UNC5D: variants seen among roughly 807,000 people sequenced by gnomAD.
The protein encoded by UNC5D is netrin receptor UNC5D.
Under a neutral mutation model 105.4 loss-of-function variants are expected in UNC5D, and 39 were observed. The ratio of observed to expected loss-of-function variants is 0.37; its 90% confidence interval spans 0.29 to 0.48. The LOEUF (loss-of-function observed/expected upper bound fraction) is 0.48, where lower values mean the gene tolerates loss of function less well. UNC5D is among the 20% of genes least tolerant of loss of function. The pLI, the probability that UNC5D is intolerant of heterozygous loss-of-function variation, is 0.98. For synonymous variants in UNC5D, 452 were observed against 450.4 expected (o/e 1.00, Z -0.04); for missense variants, 991 against 1,202.4 (o/e 0.82, Z 2.60).
At chr8:35,262,664 C>T (rs1365340959) in intron 1 of UNC5D, among the ~76,000 whole-genome samples, 1 of 152,168 alleles carries the variant, frequency 6.6e-6, no homozygotes, top group African/African-American at 2.4e-5. Flanking sequence ...TAACTTGGAT[C>T]CCAGCTCCAT....
chr8:35,370,396 C>A (rs1802363655), intron 1 of UNC5D, among the ~76,000 whole-genome samples: 1 of 152,148 alleles, frequency 6.6e-6, no homozygotes. Flanking sequence ...TTTAATATAA[C>A]ATTTAACTAA....
intron 1 of UNC5D, among the ~76,000 whole-genome samples, chr8:35,400,240 G>GA (rs1804371524): frequency 6.6e-6 from 1 of 151,516 alleles, no homozygotes; most frequent in South Asian, 2.1e-4. Context: ...TTTTTTAACG[G>GA]AAAAAATGCT....
chr8:35,610,002 T>C (rs1820567065), intron 4 of UNC5D, among the ~76,000 whole-genome samples: 1 of 152,226 alleles, frequency 6.6e-6, no homozygotes, highest in South Asian at 2.1e-4. Context: ...CTAACTCATT[T>C]ATCTGACCAG....
chr8:35,394,175 A>C (rs1440217311), intron 1 of UNC5D, among the ~76,000 whole-genome samples: 10 of 152,204 alleles, frequency 6.6e-5, no homozygotes, highest in Admixed American at 6.5e-4. Flanking sequence ...CGATATGTAC[A>C]AAGATGTTTG....
intron 1 of UNC5D, among the ~76,000 whole-genome samples, chr8:35,501,462 G>C (rs1034836111): frequency 6.6e-6 from 1 of 152,210 alleles, no homozygotes; most frequent in African/African-American, 2.4e-5. Context: ...GTGGGGCTCT[G>C]TGAGGAAGAT....
chr8:35,763,685 T>C (rs915706634), intron 14 of UNC5D, among the ~76,000 whole-genome samples: 1 of 152,224 alleles, frequency 6.6e-6, no homozygotes, highest in Non-Finnish European at 1.5e-5. Flanking sequence ...CAGAGTGCTA[T>C]GTTATGGTTA....
At chr8:35,631,942 A>G (rs1822067784) in intron 4 of UNC5D, among the ~76,000 whole-genome samples, 1 of 152,188 alleles carries the variant, frequency 6.6e-6, no homozygotes, top group African/African-American at 2.4e-5. Context: ...GTTATGCATC[A>G]TTTATCCAAT....
chr8:35,556,922 C>G (rs776321702), intron 2 of UNC5D, among the ~76,000 whole-genome samples: 1 of 152,184 alleles, frequency 6.6e-6, no homozygotes. Flanking sequence ...GGTTTGAACA[C>G]CTTTGATAGT....
intron 1 of UNC5D, among the ~76,000 whole-genome samples, chr8:35,278,750 C>A (rs1259249407): frequency 6.6e-6 from 1 of 152,028 alleles, no homozygotes; most frequent in Non-Finnish European, 1.5e-5. Context: ...GAAATCTACT[C>A]TCTTAGTGAA....
intron 4 of UNC5D, among the ~76,000 whole-genome samples, chr8:35,616,366 A>G (rs1821024450): frequency 6.6e-6 from 1 of 152,236 alleles, no homozygotes; most frequent in Non-Finnish European, 1.5e-5. Flanking sequence ...TTGCATACAA[A>G]GCTAAGCAGA....
intron 1 of UNC5D, among the ~76,000 whole-genome samples, chr8:35,308,764 C>T (rs909249272): frequency 1.3e-5 from 2 of 152,096 alleles, no homozygotes; most frequent in African/African-American, 4.8e-5. Flanking sequence ...AGACTTTAAG[C>T]ACCTGTAAGC....
intron 4 of UNC5D, among the ~76,000 whole-genome samples, chr8:35,602,449 A>T (rs945959157): frequency 3.9e-5 from 6 of 152,108 alleles, no homozygotes; most frequent in Non-Finnish European, 8.8e-5. Context: ...TTGGTTGGTA[A>T]GCTATTAATT....
chr8:35,792,728 T>C lies in UNC5D; in HGVS notation c.*2165T>C, dbSNP rs192484665. The C allele has an allele frequency of 7.6e-5, 20 of 264,900 alleles. No individual in the cohort carries two copies. The highest frequency in any genetic ancestry group is 4.3e-4 in the Admixed American group (8 of 18,762). 16.4% of individuals were successfully genotyped at this position (264,900 alleles called of 1,614,324 possible). On this transcript the variant is annotated 3_prime_UTR_variant, in exon 17 of 17. Coordinates refer to ENST00000404895, the MANE Select transcript of UNC5D (RefSeq NM_080872.4). ...ATAGAGCTTATGTTGGAATCCATCT[T>C]GGAGGATTTTTGTTTTAAACTGTCT...
At chr8:35,583,073 T>A (rs2130849651) in intron 3 of UNC5D, among the ~76,000 whole-genome samples, 1 of 152,290 alleles carries the variant, frequency 6.6e-6, no homozygotes, top group African/African-American at 2.4e-5. Flanking sequence ...CAGCACAGGC[T>A]GGGTGCAGTG....
chr8:35,741,029 C>T (rs1039962255), intron 11 of UNC5D, among the ~76,000 whole-genome samples: 6 of 152,148 alleles, frequency 3.9e-5, no homozygotes, highest in Admixed American at 1.3e-4. Flanking sequence ...TCCTCACTCT[C>T]ATTCATTTTT....
intron 7 of UNC5D, among the ~76,000 whole-genome samples, chr8:35,703,869 C>CA (rs1288940863): frequency 2.6e-5 from 4 of 152,172 alleles, no homozygotes; most frequent in Non-Finnish European, 4.4e-5. Flanking sequence ...TGCCCCATGC[C>CA]AAATGCTTTC....
chr8:35,587,505 A>G (rs570566618), intron 3 of UNC5D, among the ~76,000 whole-genome samples: 2 of 152,324 alleles, frequency 1.3e-5, no homozygotes, highest in East Asian at 3.9e-4. Context: ...ACAAATATGT[A>G]TTAAGTCACT....
chr8:35,578,536 A>G (rs1408195868), intron 3 of UNC5D, among the ~76,000 whole-genome samples: 1 of 152,216 alleles, frequency 6.6e-6, no homozygotes, highest in Non-Finnish European at 1.5e-5. Context: ...TGGATACAGT[A>G]TGGAGTGAAA....
At chr8:35,489,193 A>G (rs1811034478) in intron 1 of UNC5D, among the ~76,000 whole-genome samples, 1 of 151,996 alleles carries the variant, frequency 6.6e-6, no homozygotes, top group Non-Finnish European at 1.5e-5. Context: ...TTTTTGGTAG[A>G]GATGGGGTTT....
Sources: allele counts gnomAD v4.1 joint callset (sites outside exome capture counted in the v4.1 genomes callset), GRCh38; gene constraint gnomAD v4.1.1; transcripts MANE v1.5; gene names NCBI Gene and HGNC (gene_info 2026-07-23, HGNC 2026-07-21).